The following SLC25A26 variants were observed in gnomAD, a reference collection of about 807,000 sequenced individuals.
SLC25A26 encodes solute carrier family 25 member 26.
A neutral mutation model predicts 37.8 loss-of-function variants in SLC25A26; 36 were observed. The ratio of observed to expected loss-of-function variants is 0.95; its 90% CI spans 0.73 to 1.26. The LOEUF (loss-of-function observed/expected upper bound fraction) is 1.26, where lower values mean the gene tolerates loss of function less well. Ranked by LOEUF, SLC25A26 falls within the 50% of genes most tolerant of loss-of-function variation. The pLI is 0.00. For missense variants in SLC25A26, 390 were observed against 331.1 expected, an observed-to-expected ratio of 1.18 and a Z score of -1.38; for synonymous variants, 129 against 122.5, an observed-to-expected ratio of 1.05 and a Z score of -0.35.
intron 6 of SLC25A26, among the ~76,000 whole-genome samples, chr3:66,361,012 G>A (rs1019862480): frequency 3.9e-5 from 6 of 152,218 alleles, no homozygotes; most frequent in African/African-American, 1.2e-4. Flanking sequence ...TAAAGTTACA[G>A]TAGTGAAGAA....
chr3:66,356,885 T>A (rs997563657), intron 6 of SLC25A26, among the ~76,000 whole-genome samples: 1 of 152,020 alleles, frequency 6.6e-6, no homozygotes, highest in Non-Finnish European at 1.5e-5. Context: ...CACCTCAGAC[T>A]CCAGCAAGTG....
intron 1 of SLC25A26, among the ~76,000 whole-genome samples, chr3:66,190,571 G>A (rs1190726611): frequency 6.6e-6 from 1 of 152,086 alleles, no homozygotes; most frequent in African/African-American, 2.4e-5. Context: ...TGGGATTACA[G>A]GTGTGCACAC....
intron 5 of SLC25A26, among the ~76,000 whole-genome samples, chr3:66,269,572 C>T (rs929528123): frequency 6.6e-6 from 1 of 152,142 alleles, no homozygotes; most frequent in Non-Finnish European, 1.5e-5. Flanking sequence ...CATGATTGTT[C>T]ATTTTTGGCT....
At chr3:66,242,228 C>A (rs1211389796) in intron 2 of SLC25A26, among the ~76,000 whole-genome samples, 1 of 152,110 alleles carries the variant, frequency 6.6e-6, no homozygotes, top group Non-Finnish European at 1.5e-5. Flanking sequence ...AGTGGCAGAA[C>A]TTAACAGCTG....
chr3:66,288,341 A>T (rs1306110597), intron 5 of SLC25A26, among the ~76,000 whole-genome samples: 1 of 152,052 alleles, frequency 6.6e-6, no homozygotes, highest in Non-Finnish European at 1.5e-5. Context: ...AAAAAAATTA[A>T]ACTTTAAGTT....
At chr3:66,225,987 C>T (rs2071727991) in intron 1 of SLC25A26, among the ~76,000 whole-genome samples, 1 of 152,214 alleles carries the variant, frequency 6.6e-6, no homozygotes, top group Non-Finnish European at 1.5e-5. Flanking sequence ...CCCACATCTT[C>T]CTGTCTTCTG....
intron 1 of SLC25A26, among the ~76,000 whole-genome samples, chr3:66,186,966 C>T (rs2070840969): frequency 6.6e-6 from 1 of 151,968 alleles, no homozygotes; most frequent in African/African-American, 2.4e-5. Flanking sequence ...TGATCCTGGC[C>T]CTGATTATCA....
chr3:66,217,757 C>A (rs1225491643), upstream of SLC25A26, among the ~76,000 whole-genome samples: 2 of 152,162 alleles, frequency 1.3e-5, no homozygotes, highest in Non-Finnish European at 2.9e-5. Context: ...ACTGTGTTGG[C>A]CAGGCTGGTC....
chr3:66,215,259 T>C (rs2071343445), intron 1 of SLC25A26, among the ~76,000 whole-genome samples: 1 of 152,214 alleles, frequency 6.6e-6, no homozygotes, highest in Admixed American at 6.5e-5. Flanking sequence ...TGGAATGCAG[T>C]GTCATGAATA....
At chr3:66,244,579 G>C (rs2072737496) in intron 3 of SLC25A26, among the ~76,000 whole-genome samples, 1 of 152,204 alleles carries the variant, frequency 6.6e-6, no homozygotes, top group South Asian at 2.1e-4. Flanking sequence ...GAATACTGCA[G>C]AGACATTGTC....
chr3:66,288,551 C>T (rs934282822), intron 5 of SLC25A26, among the ~76,000 whole-genome samples: 2 of 152,090 alleles, frequency 1.3e-5, no homozygotes, highest in African/African-American at 2.4e-5. Flanking sequence ...TGTTCAACTC[C>T]CACTTATGAG....
chr3:66,362,384 G>T (rs562195580), intron 6 of SLC25A26, among the ~76,000 whole-genome samples: 1 of 151,888 alleles, frequency 6.6e-6, no homozygotes, highest in Non-Finnish European at 1.5e-5. Flanking sequence ...TCTGCATGAC[G>T]TGGGTGAATC....
chr3:66,307,002 A>C (rs549216653), intron 5 of SLC25A26, among the ~76,000 whole-genome samples: 45 of 152,284 alleles, frequency 3.0e-4, no homozygotes, highest in African/African-American at 1.0e-3. Flanking sequence ...AATGATTTGT[A>C]ATCCTTTGGG....
intron 3 of SLC25A26, among the ~76,000 whole-genome samples, chr3:66,250,796 A>C (rs1450844463): frequency 6.6e-6 from 1 of 152,146 alleles, no homozygotes; most frequent in East Asian, 1.9e-4. Flanking sequence ...GCCTCACAGA[A>C]TAGCCAGGCT....
intron 5 of SLC25A26, among the ~76,000 whole-genome samples, chr3:66,321,276 T>A (rs2075686390): frequency 6.6e-6 from 1 of 152,250 alleles, no homozygotes; most frequent in Non-Finnish European, 1.5e-5. Flanking sequence ...TGATGCATGC[T>A]AACGTTTAAA....
At chr3:66,220,400 G>A (rs930150474), upstream of SLC25A26, among the ~76,000 whole-genome samples, 6 of 152,150 alleles carry the variant, frequency 3.9e-5, no homozygotes, top group Non-Finnish European at 8.8e-5. Flanking sequence ...TTAATAACGT[G>A]TGCTTTGAGG....
intron 1 of SLC25A26, among the ~76,000 whole-genome samples, chr3:66,182,389 T>A (rs943400985): frequency 4.5e-4 from 68 of 152,272 alleles, no homozygotes; most frequent in Non-Finnish European, 3.5e-4. Flanking sequence ...ACCTTTGGGA[T>A]TATGTAAGAG....
upstream of SLC25A26, among the ~76,000 whole-genome samples, chr3:66,220,221 C>A (rs2106859196): frequency 6.6e-6 from 1 of 152,266 alleles, no homozygotes; most frequent in East Asian, 1.9e-4. Context: ...AATGAGGACA[C>A]TAGTGTTGCT....
intron 3 of SLC25A26, among the ~76,000 whole-genome samples, chr3:66,250,944 T>C (rs1332739002): frequency 6.6e-6 from 1 of 152,112 alleles, no homozygotes; most frequent in Non-Finnish European, 1.5e-5. Context: ...ACATAATTAG[T>C]CTTTTTGTTT....
Sources: allele counts gnomAD v4.1 joint callset (sites outside exome capture counted in the v4.1 genomes callset), GRCh38; gene constraint gnomAD v4.1.1; transcripts MANE v1.5; gene names NCBI Gene and HGNC (gene_info 2026-07-23, HGNC 2026-07-21).